UGGT2: variants seen among roughly 807,000 people sequenced by gnomAD.
UGGT2 encodes the protein UDP-glucose:glycoprotein glucosyltransferase 2.
UGGT2 carries 180 observed loss-of-function variants against 192.1 expected under a neutral mutation model. That is an observed-to-expected ratio of 0.94 (90% confidence interval 0.83 to 1.06). UGGT2 has a LOEUF of 1.06. UGGT2 is among the 50% of genes least tolerant of loss of function. The probability of loss-of-function intolerance (pLI) is 0.00; values close to 1 mark genes in which losing one functional copy is unlikely to be tolerated. For synonymous variants in UGGT2, 580 were observed against 591.0 expected (o/e 0.98, Z 0.27); for missense variants, 1,849 against 1,795.7 (o/e 1.03, Z -0.54).
At chr13:95,893,382 T>C (rs1380501873) in intron 24 of UGGT2, among the ~76,000 whole-genome samples, 1 of 152,174 alleles carries the variant, frequency 6.6e-6, no homozygotes, top group Non-Finnish European at 1.5e-5. Context: ...TAAAAAGCTG[T>C]GAATAAATAT....
chr13:95,963,377 C>T (rs2050464442), intron 12 of UGGT2, among the ~76,000 whole-genome samples: 1 of 151,974 alleles, frequency 6.6e-6, no homozygotes, highest in Non-Finnish European at 1.5e-5. Context: ...TCTAAACAAA[C>T]TAGACACCAA....
At chr13:95,884,088 C>T (rs1220302617) in intron 27 of UGGT2, among the ~76,000 whole-genome samples, 11 of 102,810 alleles carry the variant, frequency 1.1e-4, no homozygotes, top group Admixed American at 9.6e-4. Flanking sequence ...AAAAAAAAAC[C>T]AACAACAACA....
intron 29 of UGGT2, among the ~76,000 whole-genome samples, chr13:95,874,690 C>T (rs1203518355): frequency 6.6e-6 from 1 of 151,794 alleles, no homozygotes; most frequent in Non-Finnish European, 1.5e-5. Flanking sequence ...CCCCTTCCTT[C>T]TCCTCCTCCT....
intron 36 of UGGT2, among the ~76,000 whole-genome samples, chr13:95,849,441 G>C (rs907679469): frequency 4.0e-5 from 6 of 151,678 alleles, no homozygotes; most frequent in African/African-American, 1.5e-4. Flanking sequence ...TACTCAGGAG[G>C]CTGAGGCAGG....
At chr13:95,907,401 C>A (rs560537567) in intron 20 of UGGT2, among the ~76,000 whole-genome samples, 1 of 152,172 alleles carries the variant, frequency 6.6e-6, no homozygotes, top group Non-Finnish European at 1.5e-5. Flanking sequence ...CTGAAGAGAG[C>A]AATGCTTCTC....
chr13:95,871,590 T>C (rs1423778314), intron 29 of UGGT2, among the ~76,000 whole-genome samples: 1 of 152,180 alleles, frequency 6.6e-6, no homozygotes, highest in African/African-American at 2.4e-5. Context: ...GATTGGGTAT[T>C]TGAGGACTGT....
intron 27 of UGGT2, among the ~76,000 whole-genome samples, chr13:95,882,705 A>G (rs1206678492): frequency 1.3e-5 from 2 of 152,208 alleles, no homozygotes; most frequent in African/African-American, 4.8e-5. Flanking sequence ...CAACTTCTAA[A>G]AAGACGCTAT....
intron 28 of UGGT2, 94 bp from the exon 29 acceptor site, chr13:95,877,458 T>A: frequency 9.1e-7 from 1 of 1,099,238 alleles, no homozygotes; most frequent in Non-Finnish European, 1.3e-6. Flanking sequence ...AAGTATTTAT[T>A]AACTGTAGAA....
In UGGT2 at chr13:95,927,091, AAAAG is replaced by A. The variant is rs1387277401; in HGVS notation, c.2133_2136del (p.Phe712SerfsTer10). ...GCACTCTTATCTTGTGAATCCAAGAAAAAGAAAGTAGAGAAATCTTCAACATCAG... is the reference window on the plus strand; with the variant it reads ...GCACTCTTATCTTGTGAATCCAAGAAAAAGTAGAGAAATCTTCAACATCAG... On this transcript the variant is annotated frameshift_variant, in exon 19 of 39. Coordinates refer to ENST00000376747, the MANE Select transcript of UGGT2 (RefSeq NM_020121.4). LOFTEE classifies it high-confidence loss of function. The A allele has an allele frequency of 5.6e-6, 9 of 1,611,856 alleles. No homozygotes were observed. Among genetic ancestry groups the A allele is most frequent in the Non-Finnish European group, 7.6e-6 (9 of 1,179,364 alleles).
intron 20 of UGGT2, among the ~76,000 whole-genome samples, chr13:95,914,377 A>G (rs989165451): frequency 1.3e-5 from 2 of 152,178 alleles, no homozygotes; most frequent in African/African-American, 4.8e-5. Flanking sequence ...AAGCTACAAA[A>G]GGAGAGAATT....
At chr13:95,859,437 T>C (rs931561051) in intron 33 of UGGT2, among the ~76,000 whole-genome samples, 154 bp downstream of exon 33, 8 of 152,120 alleles carry the variant, frequency 5.3e-5, no homozygotes, top group Admixed American at 3.3e-4. Flanking sequence ...TAAATAAAAA[T>C]TGTACAGAAT....
intron 6 of UGGT2, among the ~76,000 whole-genome samples, chr13:95,997,825 A>C (rs1017889698): frequency 3.3e-5 from 5 of 152,224 alleles, no homozygotes; most frequent in African/African-American, 1.2e-4. Context: ...TAAGTAGTTT[A>C]GTGTTTCAGG....
chr13:95,969,751 CA>C (rs1454800570), intron 12 of UGGT2, among the ~76,000 whole-genome samples: 2 of 152,208 alleles, frequency 1.3e-5, no homozygotes, highest in African/African-American at 4.8e-5. Context: ...GAGGCCGCTG[CA>C]AATTGTTTCG....
At chr13:95,939,500 T>C (rs1309963350) in intron 16 of UGGT2, among the ~76,000 whole-genome samples, 6 of 150,328 alleles carry the variant, frequency 4.0e-5, no homozygotes, top group Non-Finnish European at 8.9e-5. Context: ...TTTTTGGCTC[T>C]TTCCGAATCT....
chr13:95,849,756 T>G (rs1366051260), intron 36 of UGGT2, among the ~76,000 whole-genome samples: 1 of 151,616 alleles, frequency 6.6e-6, no homozygotes, highest in African/African-American at 2.4e-5. Context: ...TCATGGGGGT[T>G]TAGTGTGCAA....
chr13:95,810,082 G>C (rs1566533007), intron 38 of UGGT2, among the ~76,000 whole-genome samples: 1 of 152,066 alleles, frequency 6.6e-6, no homozygotes, highest in Non-Finnish European at 1.5e-5. Context: ...TCTTGAAATG[G>C]ATAACCACAT....
intron 1 of UGGT2, among the ~76,000 whole-genome samples, chr13:96,040,801 G>GCT: frequency 6.6e-6 from 1 of 152,246 alleles, no homozygotes; most frequent in East Asian, 1.9e-4. Flanking sequence ...ACCTTAAGGA[G>GCT]CATAACACAG....
intron 20 of UGGT2, among the ~76,000 whole-genome samples, chr13:95,925,052 A>G (rs1451151673): frequency 1.3e-5 from 2 of 152,244 alleles, no homozygotes; most frequent in Admixed American, 6.5e-5. Flanking sequence ...ATTTATACTT[A>G]GCTAATATAA....
chr13:95,844,029 C>T (rs944055460), intron 36 of UGGT2, among the ~76,000 whole-genome samples: 4 of 152,024 alleles, frequency 2.6e-5, no homozygotes, highest in Non-Finnish European at 5.9e-5. Context: ...GGCATGATCT[C>T]GGCTCACTGC....
Sources: gnomAD v4.1 joint callset for allele counts (sites outside exome capture counted in the v4.1 genomes callset) on GRCh38, gnomAD v4.1.1 for gene constraint, MANE v1.5 for transcripts, NCBI Gene and HGNC (gene_info 2026-07-23, HGNC 2026-07-21) for gene names.